Variants in CUL5 observed in about 807,000 individuals in gnomAD.
CUL5 encodes cullin-5.
In CUL5, 26 loss-of-function variants were observed where a neutral mutation model predicts 108.8. That is an observed-to-expected ratio of 0.24 (90% CI 0.18 to 0.33). CUL5 has a LOEUF of 0.33. Ranked by LOEUF, CUL5 falls within the 10% of genes least tolerant of loss-of-function variation. The pLI, the probability that CUL5 is intolerant of heterozygous loss-of-function variation, is 1.00. For synonymous variants in CUL5, 334 were observed against 298.0 expected, an observed-to-expected ratio of 1.12 and a Z score of -1.25; for missense variants, 524 against 909.2, an observed-to-expected ratio of 0.58 and a Z score of 5.45.
intron 13 of CUL5, among the ~76,000 whole-genome samples, chr11:108,091,428 C>T (rs1864356993): frequency 6.6e-6 from 1 of 151,688 alleles, no homozygotes; most frequent in Non-Finnish European, 1.5e-5. Flanking sequence ...TGGTGGCTCA[C>T]ACCTGTAATC....
At position 108,088,517 on chromosome 11, in the gene CUL5, T is replaced by C. The variant is rs781660809; in HGVS notation, c.1179-10T>C. ...ATTTTTCCATCAACTGCTTTTAATTTGTTTTTTAGGGTGGGATTAAAAACT... is the reference window on the plus strand; with the variant it reads ...ATTTTTCCATCAACTGCTTTTAATTCGTTTTTTAGGGTGGGATTAAAAACT... On this transcript the variant is annotated splice_polypyrimidine_tract_variant and intron_variant, in intron 11 of 18. Transcript: ENST00000393094. 1 of 1,577,592 alleles carries C rather than the reference T, an allele frequency of 6.3e-7. No individual in the cohort carries two copies. Among genetic ancestry groups the C allele is most frequent in the Non-Finnish European group, 8.6e-7 (1 of 1,168,970 alleles).
intron 18 of CUL5, among the ~76,000 whole-genome samples, chr11:108,100,142 TAAAAA>T (rs1177062767): frequency 1.3e-5 from 2 of 151,466 alleles, no homozygotes; most frequent in Admixed American, 6.6e-5. Flanking sequence ...TTGAGAAACT[TAAAAA>T]AATAAAAAAA....
At chr11:108,102,326 C>T (rs991478382) in intron 18 of CUL5, among the ~76,000 whole-genome samples, 9 of 151,124 alleles carry the variant, frequency 6.0e-5, no homozygotes, top group Admixed American at 3.3e-4. Flanking sequence ...CCATGCCCGG[C>T]CTATTTTTCT....
intron 13 of CUL5, among the ~76,000 whole-genome samples, chr11:108,090,544 G>T (rs961159907): frequency 2.0e-5 from 3 of 151,986 alleles, no homozygotes; most frequent in Non-Finnish European, 4.4e-5. Context: ...TATCTTTAAG[G>T]TATTTTCAGT....
intron 2 of CUL5, among the ~76,000 whole-genome samples, chr11:108,045,928 T>C (rs533714209): frequency 6.6e-6 from 1 of 152,302 alleles, no homozygotes; most frequent in South Asian, 2.1e-4. Context: ...TCTATTGTGT[T>C]AAAGAATTAA....
At chr11:108,034,355 T>G (rs1862671950) in intron 2 of CUL5, among the ~76,000 whole-genome samples, 1 of 152,202 alleles carries the variant, frequency 6.6e-6, no homozygotes, top group Non-Finnish European at 1.5e-5. Context: ...ACATAGGCAG[T>G]CTCTCTCAAC....
At chr11:108,062,202 G>A (rs1168522175) in intron 7 of CUL5, among the ~76,000 whole-genome samples, 1 of 149,466 alleles carries the variant, frequency 6.7e-6, no homozygotes, top group Non-Finnish European at 1.5e-5. Context: ...AGTGCTTTCT[G>A]GAATATCCTT....
intron 7 of CUL5, among the ~76,000 whole-genome samples, chr11:108,067,927 C>CTT (rs932040731): frequency 3.4e-5 from 5 of 149,064 alleles, no homozygotes; most frequent in African/African-American, 9.9e-5. Context: ...CTTTATTTTT[C>CTT]TTTTTTTTTT....
chr11:108,017,337 T>C (rs934699066), intron 1 of CUL5, among the ~76,000 whole-genome samples: 4 of 144,544 alleles, frequency 2.8e-5, no homozygotes, highest in Admixed American at 7.1e-5. Flanking sequence ...CTGCAGTGAA[T>C]TGAGATCGCA....
At chr11:108,036,209 A>G (rs543772222) in intron 2 of CUL5, among the ~76,000 whole-genome samples, 41 of 152,114 alleles carry the variant, frequency 2.7e-4, no homozygotes, top group Admixed American at 6.5e-4. Context: ...CTCTTTTTCC[A>G]GGGTCATCAG....
chr11:108,019,918 G>C (rs1445947297), intron 1 of CUL5, among the ~76,000 whole-genome samples: 1 of 152,092 alleles, frequency 6.6e-6, no homozygotes, highest in African/African-American at 2.4e-5. Flanking sequence ...TCCTGTGTGT[G>C]TAGAGATCAC....
intron 13 of CUL5, among the ~76,000 whole-genome samples, chr11:108,093,537 T>C (rs1039088651): frequency 1.3e-5 from 2 of 152,196 alleles, no homozygotes; most frequent in Non-Finnish European, 2.9e-5. Context: ...TTTCATTTCC[T>C]GTTTACTTTT....
chr11:108,017,425 A>G (rs969662085), intron 1 of CUL5, among the ~76,000 whole-genome samples: 6 of 151,522 alleles, frequency 4.0e-5, no homozygotes. Context: ...CAGTGATACA[A>G]TAGTGAATAT....
At position 108,072,407 on chromosome 11, in the gene CUL5, A is replaced by T; in HGVS notation, c.950A>T (p.His317Leu). The part of the protein sequence containing the change: ...IEPMLKDLEE[H>L]IISAGLADMV... ...CCAATGTTGAAAGACTTGGAGGAAC[A>T]TATCATTAGTGCTGGCCTGGCAGAT... is the stretch of plus-strand genomic sequence containing the variant. Residue 317 changes from histidine to leucine, a missense_variant, in exon 9 of 19, where the codon CAT (histidine) becomes CTT (leucine). His to Leu is a moderately conservative substitution (Grantham distance 99). Around this residue, in one of 8 missense-constraint regions of CUL5, gnomAD observed 170 missense variants for 305.1 expected, o/e 0.56. Transcript: ENST00000393094. 1 of 1,613,216 alleles carries T rather than the reference A, an allele frequency of 6.2e-7. No individual in the cohort carries two copies. The highest frequency in any genetic ancestry group is 8.5e-7 in the Non-Finnish European group (1 of 1,179,426).
At chr11:108,089,995 G>A (rs1479568688) in intron 13 of CUL5, among the ~76,000 whole-genome samples, 2 of 151,212 alleles carry the variant, frequency 1.3e-5, no homozygotes, top group Non-Finnish European at 2.9e-5. Flanking sequence ...AGCCAAGATC[G>A]TGCCATTGCA....
At chr11:108,071,473 G>A (rs747381260) in intron 8 of CUL5, among the ~76,000 whole-genome samples, 1 of 152,060 alleles carries the variant, frequency 6.6e-6, no homozygotes, top group Admixed American at 6.6e-5. Context: ...TTGTTGCCCA[G>A]GCTGATCTCC....
intron 1 of CUL5, among the ~76,000 whole-genome samples, chr11:108,020,967 C>A (rs961197074): frequency 6.6e-6 from 1 of 152,082 alleles, no homozygotes; most frequent in African/African-American, 2.4e-5. Flanking sequence ...CATTTTTTAT[C>A]TTTCATACTG....
chr11:108,086,094 T>G (rs1458463638), intron 11 of CUL5, among the ~76,000 whole-genome samples: 1 of 152,134 alleles, frequency 6.6e-6, no homozygotes, highest in Non-Finnish European at 1.5e-5. Flanking sequence ...TCATAGAGCA[T>G]AGAAAAGAGG....
intron 10 of CUL5, among the ~76,000 whole-genome samples, chr11:108,077,852 G>A (rs116676385): frequency 0.013 from 2,034 of 152,148 alleles, 43 homozygotes; most frequent in African/African-American, 0.046. Context: ...GGCCAGCTAA[G>A]ACAGGAGAAT....
Sources: gnomAD v4.1 joint callset for allele counts (sites outside exome capture counted in the v4.1 genomes callset) on GRCh38, gnomAD v4.1.1 for gene constraint, gnomAD v4.1.1 regional missense constraint, MANE v1.5 for transcripts, NCBI Gene and HGNC (gene_info 2026-07-23, HGNC 2026-07-21) for gene names.